Variants in PRKD1 observed in about 807,000 individuals in gnomAD.
PRKD1 encodes serine/threonine-protein kinase D1.
A neutral mutation model predicts 95.9 loss-of-function variants in PRKD1; 63 were observed. The observed-to-expected ratio is 0.66, with a 90% confidence interval of 0.54 to 0.81. The LOEUF (loss-of-function observed/expected upper bound fraction) is 0.81. PRKD1 is among the 30% of genes least tolerant of loss of function. PRKD1 has a pLI of 0.00. For synonymous variants in PRKD1, 425 were observed against 423.1 expected (o/e 1.00, Z -0.05); for missense variants, 1,048 against 1,165.3 (o/e 0.90, Z 1.47).
chr14:29,700,197 C>T (rs1884757932), intron 2 of PRKD1, among the ~76,000 whole-genome samples: 1 of 151,906 alleles, frequency 6.6e-6, no homozygotes. Flanking sequence ...CAGACATTCG[C>T]ATACATAATT....
chr14:29,825,128 G>A (rs1479646834), intron 1 of PRKD1, among the ~76,000 whole-genome samples: 1 of 151,984 alleles, frequency 6.6e-6, no homozygotes, highest in African/African-American at 2.4e-5. Context: ...TCCTTAATGT[G>A]GAATTCAAAG....
intron 4 of PRKD1, among the ~76,000 whole-genome samples, chr14:29,654,746 A>G (rs181177373): frequency 1.1e-3 from 166 of 152,304 alleles, no homozygotes; most frequent in African/African-American, 3.8e-3. Flanking sequence ...TTACAGACAT[A>G]AAAGTGTAAA....
At chr14:29,889,596 G>A (rs1893867116) in intron 1 of PRKD1, among the ~76,000 whole-genome samples, 1 of 152,160 alleles carries the variant, frequency 6.6e-6, no homozygotes, top group African/African-American at 2.4e-5. Flanking sequence ...GCAGGCACAT[G>A]GATGAAGCTG....
chr14:29,720,848 C>T (rs1275896491), intron 2 of PRKD1, among the ~76,000 whole-genome samples: 4 of 151,930 alleles, frequency 2.6e-5, no homozygotes, highest in African/African-American at 9.7e-5. Context: ...TGTACAAAAT[C>T]ATGAAGGAAA....
chr14:29,820,627 G>A (rs1890875097), intron 1 of PRKD1, among the ~76,000 whole-genome samples: 1 of 152,160 alleles, frequency 6.6e-6, no homozygotes, highest in African/African-American at 2.4e-5. Context: ...AGATCAGTAT[G>A]GTTGGGAACA....
intron 15 of PRKD1, among the ~76,000 whole-genome samples, 156 bp from the exon 16 acceptor site, chr14:29,597,914 G>A (rs1226806516): frequency 6.6e-6 from 1 of 152,068 alleles, no homozygotes; most frequent in Non-Finnish European, 1.5e-5. Flanking sequence ...TTCCATTTTA[G>A]GTATTTGAAG....
chr14:29,587,762 C>G (rs1892987352), intron 16 of PRKD1, among the ~76,000 whole-genome samples: 1 of 152,112 alleles, frequency 6.6e-6, no homozygotes, highest in African/African-American at 2.4e-5. Flanking sequence ...AGATATTTTT[C>G]AAGTCATTTT....
intron 1 of PRKD1, among the ~76,000 whole-genome samples, chr14:29,895,191 C>A (rs1894080085): frequency 6.6e-6 from 1 of 152,050 alleles, no homozygotes; most frequent in Non-Finnish European, 1.5e-5. Flanking sequence ...GTGGCGGACA[C>A]CTGTAATCTC....
chr14:29,675,896 G>GC (rs1883148070), intron 2 of PRKD1, among the ~76,000 whole-genome samples: 1 of 147,506 alleles, frequency 6.8e-6, no homozygotes, highest in Admixed American at 7.0e-5. Context: ...CACAAACACC[G>GC]CATGTTCTCA....
intron 1 of PRKD1, among the ~76,000 whole-genome samples, chr14:29,728,369 CA>C (rs1200130850): frequency 6.6e-6 from 1 of 151,960 alleles, no homozygotes; most frequent in Non-Finnish European, 1.5e-5. Context: ...CCCATATAAC[CA>C]AAATCACAAT....
intron 2 of PRKD1, among the ~76,000 whole-genome samples, chr14:29,673,401 A>C (rs1882978486): frequency 6.6e-6 from 1 of 152,334 alleles, no homozygotes; most frequent in Admixed American, 6.5e-5. Flanking sequence ...TCTGTTTTGC[A>C]TACATACTTC....
intron 1 of PRKD1, among the ~76,000 whole-genome samples, chr14:29,893,795 T>A (rs8007295): frequency 6.6e-6 from 1 of 152,168 alleles, no homozygotes; most frequent in Non-Finnish European, 1.5e-5. Flanking sequence ...CTCCTAGATA[T>A]GACTCTACAC....
chr14:29,649,964 C>T (rs912152138), intron 4 of PRKD1, among the ~76,000 whole-genome samples: 11 of 152,286 alleles, frequency 7.2e-5, no homozygotes, highest in African/African-American at 2.2e-4. Context: ...TCACTCCTCA[C>T]GTTGCTTCCT....
intron 1 of PRKD1, among the ~76,000 whole-genome samples, chr14:29,847,878 C>A (rs201360852): frequency 6.7e-6 from 1 of 149,810 alleles, no homozygotes; most frequent in Non-Finnish European, 1.5e-5. Context: ...CTCTCTCTCT[C>A]CCCCCCCACC....
chr14:29,805,595 A>G (rs1890200244), intron 1 of PRKD1, among the ~76,000 whole-genome samples: 2 of 152,252 alleles, frequency 1.3e-5, no homozygotes, highest in South Asian at 2.1e-4. Context: ...ACAATGTAGA[A>G]TAACTCCTTT....
intron 1 of PRKD1, among the ~76,000 whole-genome samples, chr14:29,894,855 C>G (rs950136): frequency 0.72 from 110,205 of 152,056 alleles, 40,237 homozygotes; most frequent in South Asian, 0.79. Context: ...TATTGAGCTT[C>G]AAACTTGATT....
At chr14:29,843,062 T>C (rs763255152) in intron 1 of PRKD1, among the ~76,000 whole-genome samples, 17 of 152,194 alleles carry the variant, frequency 1.1e-4, no homozygotes, top group Non-Finnish European at 2.5e-4. Flanking sequence ...AATGTGTGTA[T>C]TGAAGTCCTA....
intron 1 of PRKD1, among the ~76,000 whole-genome samples, chr14:29,843,391 G>C (rs1231199847): frequency 2.0e-5 from 3 of 152,082 alleles, no homozygotes; most frequent in Non-Finnish European, 4.4e-5. Flanking sequence ...GGCAGCTCCA[G>C]AAAATAAATA....
intron 16 of PRKD1, among the ~76,000 whole-genome samples, chr14:29,583,919 A>AT (rs1208214163): frequency 5.9e-5 from 9 of 152,150 alleles, no homozygotes; most frequent in African/African-American, 1.7e-4. Flanking sequence ...CCTGTACAGC[A>AT]TTTTTTCTCC....
Sources: gnomAD v4.1 joint callset for allele counts (sites outside exome capture counted in the v4.1 genomes callset) on GRCh38, gnomAD v4.1.1 for gene constraint, MANE v1.5 for transcripts, NCBI Gene and HGNC (gene_info 2026-07-23, HGNC 2026-07-21) for gene names.